The following CSMD1 variants were observed in gnomAD, a reference collection of about 807,000 sequenced individuals.
CSMD1 encodes the protein CUB and sushi domain-containing protein 1.
Under a neutral mutation model 417.5 loss-of-function variants are expected in CSMD1, and 213 were observed. That is an observed-to-expected ratio of 0.51 (90% CI 0.46 to 0.57). CSMD1 has a LOEUF of 0.57. Ranked by LOEUF, CSMD1 falls within the 20% of genes least tolerant of loss-of-function variation. The pLI is 0.00. For missense variants in CSMD1, 6,923 were observed against 4,529.7 expected, an observed-to-expected ratio of 1.53 and a Z score of -15.17; for synonymous variants, 2,862 against 1,736.8, an observed-to-expected ratio of 1.65 and a Z score of -16.11.
At chr8:3,887,444 A>G (rs1419935808) in intron 5 of CSMD1, among the ~76,000 whole-genome samples, 1 of 152,190 alleles carries the variant, frequency 6.6e-6, no homozygotes, top group Non-Finnish European at 1.5e-5. Context: ...GACCCTATCC[A>G]TGAAAGTGGG....
At chr8:4,308,647 A>G (rs1258303784) in intron 3 of CSMD1, among the ~76,000 whole-genome samples, 3 of 152,218 alleles carry the variant, frequency 2.0e-5, no homozygotes, top group African/African-American at 7.2e-5. Flanking sequence ...TTCTTATTCC[A>G]AGAACAGTTT....
chr8:3,738,706 G>A (rs1400361449), intron 6 of CSMD1, among the ~76,000 whole-genome samples: 1 of 152,162 alleles, frequency 6.6e-6, no homozygotes, highest in Non-Finnish European at 1.5e-5. Flanking sequence ...CACATGGAAG[G>A]TGCCACCCTG....
chr8:4,884,301 C>T (rs1368081185), intron 1 of CSMD1, among the ~76,000 whole-genome samples: 1 of 151,892 alleles, frequency 6.6e-6, no homozygotes, highest in Non-Finnish European at 1.5e-5. Flanking sequence ...ATGATTCGCC[C>T]AATTTATCTC....
chr8:3,399,626 T>A (rs1042777689), intron 15 of CSMD1, 97 bp from the exon 16 acceptor site: 4 of 879,536 alleles, frequency 4.5e-6, no homozygotes, highest in Non-Finnish European at 6.5e-6. Flanking sequence ...TCTGTGTTCA[T>A]AGACTGAATA....
chr8:4,687,205 G>C (rs945861870), intron 1 of CSMD1, among the ~76,000 whole-genome samples: 2 of 152,208 alleles, frequency 1.3e-5, no homozygotes, highest in South Asian at 2.1e-4. Flanking sequence ...CCAAGGAAGA[G>C]GCTTTCTGAT....
At chr8:3,730,585 T>C (rs776653775) in intron 6 of CSMD1, among the ~76,000 whole-genome samples, 5 of 152,126 alleles carry the variant, frequency 3.3e-5, no homozygotes, top group Non-Finnish European at 7.4e-5. Context: ...ACACACTATA[T>C]GGTTTCAGTG....
rs534435245 is a variant in CSMD1 at position 3,946,259 on chromosome 8, T to C, written c.818+51644A>G. Among the ~76,000 whole-genome samples, 3 of 152,278 alleles carry C rather than the reference T, an allele frequency of 2.0e-5. No homozygotes were observed. In the East Asian group the frequency reaches 5.8e-4, roughly 29 times the overall value. On this transcript the variant is annotated intron_variant, in intron 5 of 69. Transcript: ENST00000635120. ...ATGCATCTTGATATTGTAATTTCCATATTAGAGAACACAGTAAACTAGTCT... is the reference window on the plus strand; with the variant it reads ...ATGCATCTTGATATTGTAATTTCCACATTAGAGAACACAGTAAACTAGTCT...
chr8:4,491,776 C>T (rs970288529), intron 2 of CSMD1, among the ~76,000 whole-genome samples: 11 of 152,206 alleles, frequency 7.2e-5, no homozygotes, highest in South Asian at 2.1e-4. Flanking sequence ...CTGGTGGGAA[C>T]GCAGAATGGT....
At chr8:4,167,869 T>TA (rs1797542421) in intron 3 of CSMD1, among the ~76,000 whole-genome samples, 1 of 152,084 alleles carries the variant, frequency 6.6e-6, no homozygotes, top group Non-Finnish European at 1.5e-5. Context: ...GGCTTAGGCC[T>TA]GTAATCTCAG....
At chr8:3,314,594 T>C (rs778959137) in intron 23 of CSMD1, among the ~76,000 whole-genome samples, 1 of 152,230 alleles carries the variant, frequency 6.6e-6, no homozygotes, top group Non-Finnish European at 1.5e-5. Flanking sequence ...TTCTTTGTTT[T>C]CTAGTGATTT....
intron 3 of CSMD1, among the ~76,000 whole-genome samples, chr8:4,399,344 T>A (rs950706120): frequency 1.3e-5 from 2 of 152,134 alleles, no homozygotes; most frequent in African/African-American, 4.8e-5. Flanking sequence ...CACCATATAG[T>A]GAAGTACTAA....
intron 12 of CSMD1, among the ~76,000 whole-genome samples, chr8:3,463,909 T>C (rs906861292): frequency 7.2e-5 from 11 of 152,166 alleles, no homozygotes; most frequent in Admixed American, 7.2e-4. Context: ...GCACAGACCC[T>C]TGGCCACAGA....
chr8:3,252,362 A>G (rs558309971), intron 26 of CSMD1, among the ~76,000 whole-genome samples: 17 of 152,280 alleles, frequency 1.1e-4, no homozygotes, highest in Non-Finnish European at 2.1e-4. Context: ...GCTGGATTAC[A>G]TTTATTGATT....
At chr8:4,092,185 A>G (rs1042280149) in intron 3 of CSMD1, among the ~76,000 whole-genome samples, 22 of 152,234 alleles carry the variant, frequency 1.4e-4, no homozygotes, top group Non-Finnish European at 2.1e-4. Flanking sequence ...AAATCCATTG[A>G]AATTAATAGA....
At chr8:4,379,858 T>G (rs1356062256) in intron 3 of CSMD1, among the ~76,000 whole-genome samples, 2 of 152,158 alleles carry the variant, frequency 1.3e-5, no homozygotes, top group African/African-American at 2.4e-5. Flanking sequence ...TAGGAGACAG[T>G]GATGTTCACA....
chr8:3,944,327 C>G (rs1483254437), intron 5 of CSMD1, among the ~76,000 whole-genome samples: 2 of 152,038 alleles, frequency 1.3e-5, no homozygotes, highest in Admixed American at 1.3e-4. Context: ...TTGCATAATG[C>G]CTTATTTTTT....
intron 3 of CSMD1, among the ~76,000 whole-genome samples, chr8:4,180,864 C>G (rs762617984): frequency 2.0e-5 from 3 of 152,106 alleles, no homozygotes. Flanking sequence ...GCTCACGATA[C>G]TAAATTCTGA....
At chr8:4,387,628 T>C (rs957243696) in intron 3 of CSMD1, among the ~76,000 whole-genome samples, 30 of 132,752 alleles carry the variant, frequency 2.3e-4, no homozygotes, top group African/African-American at 8.2e-4. Context: ...AAGAATTTAA[T>C]ATGAAACCAT....
chr8:4,106,817 C>G (rs185474415), intron 3 of CSMD1, among the ~76,000 whole-genome samples: 15 of 152,262 alleles, frequency 9.9e-5, no homozygotes, highest in Admixed American at 2.0e-4. Context: ...CAGGTCTACA[C>G]CAGCACACAC....
Sources: gnomAD v4.1 joint callset for allele counts (sites outside exome capture counted in the v4.1 genomes callset) on GRCh38, gnomAD v4.1.1 for gene constraint, MANE v1.5 for transcripts, NCBI Gene and HGNC (gene_info 2026-07-23, HGNC 2026-07-21) for gene names.